CNOT4: variants seen among roughly 807,000 people sequenced by gnomAD.
CNOT4 encodes the protein CCR4-NOT transcription complex subunit 4.
Under a neutral mutation model 73.8 loss-of-function variants are expected in CNOT4, and 8 were observed. That is an observed-to-expected ratio of 0.11 (90% CI 0.06 to 0.20). The LOEUF (loss-of-function observed/expected upper bound fraction) is 0.20. Ranked by LOEUF, CNOT4 falls within the 10% of genes least tolerant of loss-of-function variation. The pLI is 1.00. For synonymous variants in CNOT4, 293 were observed against 321.1 expected, an observed-to-expected ratio of 0.91 and a Z score of 0.94; for missense variants, 564 against 883.4, an observed-to-expected ratio of 0.64 and a Z score of 4.58.
chr7:135,431,268 A>T (rs1204705601), intron 2 of CNOT4, among the ~76,000 whole-genome samples: 1 of 152,196 alleles, frequency 6.6e-6, no homozygotes, highest in African/African-American at 2.4e-5. Context: ...CCTTGTCTCT[A>T]AAAAAATTTT....
rs111695667 is a variant in CNOT4 at position 135,507,091 on chromosome 7, T to C, written c.-93+2798A>G. On this transcript the variant is annotated intron_variant, in intron 1 of 11. Transcript: ENST00000541284. ...AGACTCCCCTAAAGCTAGGAGTTCA[T>C]CCACTGGCAACACCCTTTCTTTAAC... 3.6e-3 allele frequency among the ~76,000 whole-genome samples: 543 copies of C among 152,314 alleles called. 6 individuals are homozygous for C. The South Asian group carries it at 0.038, about 11-fold the overall frequency.
At chr7:135,388,943 A>G (rs1796259523) in intron 10 of CNOT4, 6 of 1,577,008 alleles carry the variant, frequency 3.8e-6, no homozygotes, top group Non-Finnish European at 5.2e-6. Flanking sequence ...AGATTTGTTA[A>G]CAGTCCCTTT....
intron 1 of CNOT4, among the ~76,000 whole-genome samples, chr7:135,502,172 C>T (rs1804017499): frequency 6.6e-6 from 1 of 152,186 alleles, no homozygotes; most frequent in African/African-American, 2.4e-5. Flanking sequence ...TATAATTATC[C>T]AGTCTGTGGT....
At chr7:135,467,596 C>T (rs1801302406) in intron 1 of CNOT4, among the ~76,000 whole-genome samples, 1 of 152,018 alleles carries the variant, frequency 6.6e-6, no homozygotes, top group Admixed American at 6.6e-5. Flanking sequence ...ATGTGTAGTT[C>T]CAGCTAGTTA....
At chr7:135,453,782 A>G (rs2129485985) in intron 1 of CNOT4, among the ~76,000 whole-genome samples, 1 of 143,042 alleles carries the variant, frequency 7.0e-6, no homozygotes, top group Non-Finnish European at 1.5e-5. Flanking sequence ...ATATGGATAC[A>G]AAAATATTTT....
chr7:135,456,045 A>C (rs908771772), intron 1 of CNOT4, among the ~76,000 whole-genome samples: 1 of 152,230 alleles, frequency 6.6e-6, no homozygotes, highest in Non-Finnish European at 1.5e-5. Context: ...AGACATTAGG[A>C]AACATTTTTG....
Position 135,363,223 on chromosome 7 carries a change from G to A in CNOT4, c.1841-37C>T. 6.3e-7 allele frequency: 1 copy of A among 1,592,160 alleles called. No homozygotes were observed. The highest frequency in any genetic ancestry group is 8.6e-7 in the Non-Finnish European group (1 of 1,163,870). On this transcript the variant is annotated intron_variant, in intron 11 of 11. Coordinates refer to ENST00000541284, the MANE Select transcript of CNOT4 (RefSeq NM_001190850.2). The surrounding 1 kb of genome is among the most constrained non-coding windows in gnomAD (Gnocchi z 4.3). ...AAAGAAAAAAGAGGGAAAATGGTGA[G>A]TTTGTGTGGAAAGAATAAGGTCGTC...
chr7:135,492,947 A>G (rs77346796), intron 1 of CNOT4, among the ~76,000 whole-genome samples: 3,404 of 152,262 alleles, frequency 0.022, 126 homozygotes, highest in African/African-American at 0.07. Context: ...AAGAATGACA[A>G]TGAGCCAGGA....
At chr7:135,416,889 A>C (rs887745356) in intron 3 of CNOT4, among the ~76,000 whole-genome samples, 1 of 152,136 alleles carries the variant, frequency 6.6e-6, no homozygotes, top group Admixed American at 6.6e-5. Flanking sequence ...ACAACAAAGA[A>C]TTGTCCCGCA....
At chr7:135,479,108 T>C (rs1802186561) in intron 1 of CNOT4, among the ~76,000 whole-genome samples, 1 of 152,048 alleles carries the variant, frequency 6.6e-6, no homozygotes, top group Non-Finnish European at 1.5e-5. Flanking sequence ...GCATGGTATG[T>C]GCATTTTTTT....
chr7:135,470,932 A>C (rs572063368), intron 1 of CNOT4, among the ~76,000 whole-genome samples: 2 of 152,330 alleles, frequency 1.3e-5, no homozygotes, highest in South Asian at 2.1e-4. Flanking sequence ...GTCAAAACTC[A>C]TCTAACACTT....
At chr7:135,383,523 G>A (rs182795878) in intron 10 of CNOT4, among the ~76,000 whole-genome samples, 20 of 152,298 alleles carry the variant, frequency 1.3e-4, no homozygotes, top group African/African-American at 4.8e-4. Flanking sequence ...CCTGACCCAG[G>A]ATTCCCCAGG....
intron 2 of CNOT4, among the ~76,000 whole-genome samples, chr7:135,430,525 G>A (rs951957145): frequency 6.6e-6 from 1 of 151,932 alleles, no homozygotes; most frequent in African/African-American, 2.4e-5. Context: ...CACACCTGTA[G>A]TCCCAGCTAC....
At chr7:135,446,083 T>A (rs1462901719) in intron 1 of CNOT4, among the ~76,000 whole-genome samples, 1 of 152,122 alleles carries the variant, frequency 6.6e-6, no homozygotes, top group African/African-American at 2.4e-5. Context: ...GGTCTCCCTG[T>A]GTTGCAAAGG....
At chr7:135,496,569 T>C (rs1185142780) in intron 1 of CNOT4, among the ~76,000 whole-genome samples, 1 of 152,064 alleles carries the variant, frequency 6.6e-6, no homozygotes, top group Non-Finnish European at 1.5e-5. Context: ...TCCACCTCTG[T>C]GCCCTTCTTC....
At chr7:135,436,059 C>T (rs1799136565) in intron 2 of CNOT4, among the ~76,000 whole-genome samples, 1 of 151,828 alleles carries the variant, frequency 6.6e-6, no homozygotes, top group South Asian at 2.1e-4. Flanking sequence ...TGATCTAATG[C>T]TTCCTCCTTG....
At chr7:135,479,798 G>A (rs548135953) in intron 1 of CNOT4, among the ~76,000 whole-genome samples, 2 of 152,196 alleles carry the variant, frequency 1.3e-5, no homozygotes, top group African/African-American at 4.8e-5. Flanking sequence ...GCTGAGGCAG[G>A]AGGATTGCTT....
chr7:135,446,447 TC>T, intron 1 of CNOT4, among the ~76,000 whole-genome samples: 1 of 151,996 alleles, frequency 6.6e-6, no homozygotes, highest in African/African-American at 2.4e-5. Context: ...AATAAAAAAG[TC>T]AAAAAAAGAA....
At chr7:135,377,739 T>C (rs576279190) in intron 10 of CNOT4, among the ~76,000 whole-genome samples, 1 of 152,206 alleles carries the variant, frequency 6.6e-6, no homozygotes, top group Non-Finnish European at 1.5e-5. Context: ...ATTTAAAATA[T>C]ATAGTTATTT....
Sources: allele counts gnomAD v4.1 joint callset (sites outside exome capture counted in the v4.1 genomes callset), GRCh38; gene constraint gnomAD v4.1.1; non-coding constraint Gnocchi (gnomAD v3.1); transcripts MANE v1.5; gene names NCBI Gene and HGNC (gene_info 2026-07-23, HGNC 2026-07-21).